Variants in LGR6 observed in about 807,000 individuals in gnomAD.
The protein encoded by LGR6 is leucine rich repeat containing G protein-coupled receptor 6.
Under a neutral mutation model 69.4 loss-of-function variants are expected in LGR6, and 45 were observed. The ratio of observed to expected loss-of-function variants is 0.65; its 90% CI spans 0.51 to 0.83. LGR6 has a LOEUF of 0.83. LGR6 is among the 40% of genes least tolerant of loss of function. LGR6 has a pLI of 0.00. For synonymous variants in LGR6, 538 were observed against 555.0 expected (o/e 0.97, Z 0.43); for missense variants, 1,108 against 1,246.7 (o/e 0.89, Z 1.68).
chr1:202,308,646 G>A lies in LGR6; in HGVS notation c.1281-405G>A, dbSNP rs187203372. ...CATCAGAAAAGTAGGAGGAAAGGCA[G>A]GGGGATGGGGATAAACGACAACAGG... On this transcript the variant is annotated intron_variant, in intron 14 of 17. Transcript: ENST00000367278. Among the ~76,000 whole-genome samples the A allele has an allele frequency of 8.5e-5, 13 of 152,306 alleles. No individual in the cohort carries two copies. The East Asian group carries it at 2.5e-3, about 29-fold the overall frequency.
At chr1:202,305,828 C>A in intron 12 of LGR6, 79 bp downstream of exon 12, 1 of 1,118,000 alleles carries the variant, frequency 8.9e-7, no homozygotes. Flanking sequence ...TGATGGGGGG[C>A]ATCAGTAAGG....
intron 1 of LGR6, among the ~76,000 whole-genome samples, chr1:202,214,575 G>A (rs531366758): frequency 6.6e-6 from 1 of 152,294 alleles, no homozygotes; most frequent in African/African-American, 2.4e-5. Context: ...GCGTGGGTTC[G>A]CGCTGCCAAT....
chr1:202,209,414 G>A (rs928965724), intron 1 of LGR6, among the ~76,000 whole-genome samples: 1 of 152,184 alleles, frequency 6.6e-6, no homozygotes, highest in Non-Finnish European at 1.5e-5. Context: ...GTTCTGGGCT[G>A]CAGCTAGTCC....
chr1:202,226,255 T>A (rs1367641404), intron 2 of LGR6, among the ~76,000 whole-genome samples: 1 of 152,190 alleles, frequency 6.6e-6, no homozygotes. Context: ...TAGCTCTGTA[T>A]TTCCAACACC....
intron 9 of LGR6, among the ~76,000 whole-genome samples, chr1:202,302,695 C>T (rs148145622): frequency 0.018 from 2,729 of 152,180 alleles, 31 homozygotes; most frequent in Middle Eastern, 0.037. Context: ...TACAGGCGCC[C>T]GCCACCACGC....
At chr1:202,216,710 G>A (rs1019430352) in intron 1 of LGR6, among the ~76,000 whole-genome samples, 5 of 152,142 alleles carry the variant, frequency 3.3e-5, no homozygotes, top group Non-Finnish European at 7.4e-5. Context: ...CATACTCCTG[G>A]GCTGTTCTCA....
At chr1:202,315,402 T>C (rs1181263925) in intron 17 of LGR6, among the ~76,000 whole-genome samples, 1 of 152,204 alleles carries the variant, frequency 6.6e-6, no homozygotes, top group Non-Finnish European at 1.5e-5. Context: ...ATCTAACGCT[T>C]ATAGTTGCGG....
chr1:202,265,408 T>C (rs1200254891), intron 4 of LGR6, among the ~76,000 whole-genome samples: 2 of 152,208 alleles, frequency 1.3e-5, no homozygotes, highest in Admixed American at 6.5e-5. Flanking sequence ...ATGCAAGGGA[T>C]GAGCCCCAAG....
At chr1:202,203,725 C>T in intron 1 of LGR6, 1 of 1,341,534 alleles carries the variant, frequency 7.5e-7, no homozygotes, top group Non-Finnish European at 1.1e-6. Context: ...GCAGGCGGGG[C>T]ACAGAGGAGG....
intron 4 of LGR6, among the ~76,000 whole-genome samples, chr1:202,247,978 G>T (rs987912850): frequency 6.6e-6 from 1 of 152,152 alleles, no homozygotes. Context: ...AAGAAGGGTC[G>T]GGGGCTGGGA....
chr1:202,297,436 T>G, intron 6 of LGR6, 72 bp from the exon 7 acceptor site: 1 of 1,288,732 alleles, frequency 7.8e-7, no homozygotes, highest in Non-Finnish European at 1.1e-6. Context: ...AGAGCCAAGT[T>G]TCCATTTCTC....
chr1:202,261,501 G>A (rs1664232823), intron 4 of LGR6, among the ~76,000 whole-genome samples: 1 of 152,112 alleles, frequency 6.6e-6, no homozygotes. Context: ...CATTTGGGTT[G>A]GTTCCAAGTC....
At position 202,194,028 on chromosome 1, in the gene LGR6, C is replaced by T. The variant is rs1227796476; in HGVS notation, c.39C>T (p.Cys13=). ...CGGGGCTCCGGGCGCTATGGCTTTG[C>T]GCCGCGCTGTGCGCTTCCCGGAGGG... is the stretch of plus-strand genomic sequence containing the variant. ...SPPGLRALWL[C]AALCASRRAG... is the part of the protein sequence containing the mutation. The change falls in exon 1 of 18, where the codon TGC becomes TGT. Residue 13 remains cysteine, a synonymous_variant. Transcript: ENST00000367278. The T allele has an allele frequency of 1.7e-5, 23 of 1,389,736 alleles. No homozygotes were observed. Among genetic ancestry groups the T allele is most frequent in the Admixed American group, 6.7e-5 (2 of 29,670 alleles). 86.1% of individuals were successfully genotyped at this position (1,389,736 alleles called of 1,614,324 possible).
At chr1:202,305,154 C>T (rs534556274) in intron 11 of LGR6, among the ~76,000 whole-genome samples, 9 of 152,158 alleles carry the variant, frequency 5.9e-5, no homozygotes, top group African/African-American at 1.9e-4. Context: ...GCTGGGGGTC[C>T]GGAGACACAG....
In LGR6 at chr1:202,318,267, C is replaced by T. The variant is rs754931669; in HGVS notation, c.1964C>T (p.Ala655Val). Residue 655 changes from alanine (A) to valine (V), a missense_variant, in exon 18 of 18, where the codon GCA (alanine) becomes GTA (valine). Transcript: ENST00000367278. ...TGFLAVLGSE[A>V]SVLLLTLAAV... ...TTCCTGGCAGTACTTGGGTCGGAGGCATCGGTGCTGCTGCTCACTCTGGCC... is the reference window on the plus strand; with the variant it reads ...TTCCTGGCAGTACTTGGGTCGGAGGTATCGGTGCTGCTGCTCACTCTGGCC... 2 of 1,607,844 alleles carry T rather than the reference C, an allele frequency of 1.2e-6. No homozygotes were observed. The highest frequency in any genetic ancestry group is 1.7e-6 in the Non-Finnish European group (2 of 1,176,720).
intron 6 of LGR6, among the ~76,000 whole-genome samples, chr1:202,294,811 C>CTGGA (rs1667030491): frequency 6.6e-6 from 1 of 152,160 alleles, no homozygotes; most frequent in Admixed American, 6.5e-5. Flanking sequence ...CACTTTTAAT[C>CTGGA]TACCACACTG....
chr1:202,236,602 C>A (rs1558024406), intron 4 of LGR6, among the ~76,000 whole-genome samples: 1 of 152,190 alleles, frequency 6.6e-6, no homozygotes, highest in South Asian at 2.1e-4. Context: ...GGTGATGTAA[C>A]CCAGCCCAGT....
At chr1:202,205,129 C>T (rs1185697507) in intron 1 of LGR6, among the ~76,000 whole-genome samples, 2 of 107,950 alleles carry the variant, frequency 1.9e-5, no homozygotes, top group Non-Finnish European at 3.5e-5. Context: ...TAACACACCT[C>T]CTTCAAACAC....
At chr1:202,280,945 C>A in intron 6 of LGR6, 93 bp downstream of exon 6, 4 of 1,196,366 alleles carry the variant, frequency 3.3e-6, no homozygotes, top group Non-Finnish European at 4.8e-6. Context: ...GAAGAGCCAG[C>A]AGTCCTGGGA....
Sources: allele counts gnomAD v4.1 joint callset (sites outside exome capture counted in the v4.1 genomes callset), GRCh38; gene constraint gnomAD v4.1.1; transcripts MANE v1.5; gene names NCBI Gene and HGNC (gene_info 2026-07-23, HGNC 2026-07-21).